ZFYVE9: variants seen among roughly 807,000 people sequenced by gnomAD.
ZFYVE9 encodes the protein zinc finger FYVE-type containing 9, also known as zinc finger FYVE domain-containing protein 9.
ZFYVE9 carries 43 observed loss-of-function variants against 126.7 expected under a neutral mutation model. The ratio of observed to expected loss-of-function variants is 0.34; its 90% CI spans 0.27 to 0.44. The LOEUF (loss-of-function observed/expected upper bound fraction) is 0.44, where lower values mean the gene tolerates loss of function less well. Among genes scored for constraint, ZFYVE9 ranks in the 20% least tolerant of loss-of-function variants. The pLI is 1.00. For synonymous variants in ZFYVE9, 521 were observed against 597.4 expected (o/e 0.87, Z 1.87); for missense variants, 1,476 against 1,697.0 (o/e 0.87, Z 2.29).
chr1:52,303,730 C>A, intron 12 of ZFYVE9, 91 bp from the exon 13 acceptor site: 1 of 730,494 alleles, frequency 1.4e-6, no homozygotes, highest in Non-Finnish European at 2.1e-6. Context: ...TCAATATTGA[C>A]ATTTTTTCCA....
chr1:52,293,376 C>CAA (rs376379860), intron 10 of ZFYVE9, 77 bp from the exon 11 acceptor site: 8,364 of 597,778 alleles, frequency 0.014, 18 homozygotes, highest in African/African-American at 0.036. Flanking sequence ...GACTCCGTCT[C>CAA]AAAAAAAAAA....
chr1:52,166,115 A>G (rs1644511723), intron 1 of ZFYVE9, among the ~76,000 whole-genome samples: 1 of 152,226 alleles, frequency 6.6e-6, no homozygotes, highest in Non-Finnish European at 1.5e-5. Flanking sequence ...GTTGAGATTT[A>G]ACAAAGTTAA....
intron 10 of ZFYVE9, among the ~76,000 whole-genome samples, chr1:52,283,852 A>G (rs1424077416): frequency 6.6e-6 from 1 of 152,210 alleles, no homozygotes; most frequent in East Asian, 1.9e-4. Context: ...TTTATAATAT[A>G]TAGATTATAC....
chr1:52,322,167 T>A (rs1167930761), intron 13 of ZFYVE9, among the ~76,000 whole-genome samples: 1 of 152,206 alleles, frequency 6.6e-6, no homozygotes, highest in Admixed American at 6.5e-5. Context: ...TAGAGTCATC[T>A]TTGAATCTTC....
At position 52,346,347 on chromosome 1, in the gene ZFYVE9, G is replaced by T. The variant is rs1430756843; in HGVS notation, c.*126G>T. 5 of 977,184 alleles carry T rather than the reference G, an allele frequency of 5.1e-6. No individual in the cohort carries two copies. Among genetic ancestry groups the T allele is most frequent in the East Asian group, 2.8e-5 (1 of 36,024 alleles). The allele number at this position is 977,184 out of a possible 1,614,324, so 60.5% of individuals were successfully genotyped here. A position where few individuals can be genotyped will look rare whatever the true frequency, so the allele number is the denominator to read the frequency against. On this transcript the variant is annotated 3_prime_UTR_variant, in exon 19 of 19. Transcript: ENST00000287727. ...CTATTAATGGGGTGGGGAATAGGGT[G>T]GGAGTGGGGGTTTGGGAGACGGGTG...
chr1:52,185,417 A>C (rs1211975352), intron 1 of ZFYVE9, among the ~76,000 whole-genome samples: 1 of 152,238 alleles, frequency 6.6e-6, no homozygotes, highest in Admixed American at 6.5e-5. Context: ...ATTTTTAATG[A>C]AATTAAAAAT....
At chr1:52,292,521 G>A (rs1645932338) in intron 10 of ZFYVE9, among the ~76,000 whole-genome samples, 1 of 144,730 alleles carries the variant, frequency 6.9e-6, no homozygotes. Context: ...GCCTAGGCTG[G>A]AGCGCAGTGG....
chr1:52,221,093 G>C (rs1241855301), intron 2 of ZFYVE9, among the ~76,000 whole-genome samples: 1 of 152,186 alleles, frequency 6.6e-6, no homozygotes, highest in African/African-American at 2.4e-5. Flanking sequence ...GGCATACTTG[G>C]AGTCAGTGTA....
intron 13 of ZFYVE9, among the ~76,000 whole-genome samples, chr1:52,319,231 T>C (rs1646215201): frequency 6.6e-6 from 1 of 152,204 alleles, no homozygotes; most frequent in Non-Finnish European, 1.5e-5. Context: ...TATATAATAT[T>C]TATGGATTGG....
chr1:52,202,237 TG>T (rs1411085556), intron 1 of ZFYVE9, among the ~76,000 whole-genome samples: 1 of 152,134 alleles, frequency 6.6e-6, no homozygotes, highest in Admixed American at 6.5e-5. Flanking sequence ...ATAAATTAGT[TG>T]TAATTCTTTT....
At chr1:52,162,390 T>C in intron 1 of ZFYVE9, 1 of 320,300 alleles carries the variant, frequency 3.1e-6, no homozygotes, top group Non-Finnish European at 6.3e-6. Context: ...CCACTATGAG[T>C]TCTGCCCATA....
At chr1:52,204,038 G>A (rs916167342) in intron 1 of ZFYVE9, among the ~76,000 whole-genome samples, 28 of 151,028 alleles carry the variant, frequency 1.9e-4, no homozygotes, top group African/African-American at 5.8e-4. Flanking sequence ...TAGCATCTCT[G>A]CTATATCTGA....
chr1:52,280,964 T>C (rs1645796819), intron 9 of ZFYVE9, among the ~76,000 whole-genome samples: 1 of 152,154 alleles, frequency 6.6e-6, no homozygotes, highest in Non-Finnish European at 1.5e-5. Flanking sequence ...TTTTAAAATA[T>C]AAAGGTGGAG....
intron 8 of ZFYVE9, among the ~76,000 whole-genome samples, chr1:52,275,201 T>A (rs1645733386): frequency 6.6e-6 from 1 of 152,176 alleles, no homozygotes; most frequent in Admixed American, 6.5e-5. Context: ...GTCACCCAGG[T>A]AGTGAGCATA....
At chr1:52,163,725 A>T (rs942891580) in intron 1 of ZFYVE9, among the ~76,000 whole-genome samples, 2 of 152,132 alleles carry the variant, frequency 1.3e-5, no homozygotes, top group African/African-American at 4.8e-5. Context: ...GGTGGCTCAC[A>T]TCTGTAATCC....
chr1:52,332,814 G>A lies in ZFYVE9; in HGVS notation c.3485G>A (p.Gly1162Asp). Residue 1162 changes from glycine to aspartate, a missense_variant, in exon 14 of 19, where the codon GGT becomes GAT. Coordinates refer to ENST00000287727, the MANE Select transcript of ZFYVE9 (RefSeq NM_004799.4). Reference sequence around the variant, plus strand: ...TCCAATGAGCATGTCCTGGCAGGAGGTGCCTGCTTCAATGAAAAGGCAGAC... The same window carrying A: ...TCCAATGAGCATGTCCTGGCAGGAGATGCCTGCTTCAATGAAAAGGCAGAC... ...NKSNEHVLAG[G>D]ACFNEKADSH... is the part of the protein sequence containing the mutation. 3 of 1,614,134 alleles carry A rather than the reference G, an allele frequency of 1.9e-6. No homozygotes were observed. Among genetic ancestry groups the A allele is most frequent in the Non-Finnish European group, 2.5e-6 (3 of 1,180,026 alleles).
At chr1:52,221,451 C>G (rs1645123886) in intron 2 of ZFYVE9, among the ~76,000 whole-genome samples, 1 of 152,148 alleles carries the variant, frequency 6.6e-6, no homozygotes, top group South Asian at 2.1e-4. Context: ...TTAGGTCATC[C>G]CTCTCTAATA....
chr1:52,303,967 A>G (rs774287028), intron 13 of ZFYVE9, 42 bp downstream of exon 13: 2 of 1,405,720 alleles, frequency 1.4e-6, no homozygotes, highest in South Asian at 1.4e-5. Context: ...AGTTGAAAAC[A>G]TGAGTGAAGG....
At position 52,330,871 on chromosome 1, in the gene ZFYVE9, T is replaced by C. The variant is rs189960047; in HGVS notation, c.3439-1897T>C. Among the ~76,000 whole-genome samples, 377 of 152,152 alleles carry C rather than the reference T, an allele frequency of 2.5e-3. 2 individuals carry two copies. Among genetic ancestry groups the C allele is most frequent in the African/African-American group, 8.9e-3 (371 of 41,536 alleles). On this transcript the variant is annotated intron_variant, in intron 13 of 18. Transcript: ENST00000287727. Reference sequence around the variant, plus strand: ...TCTGACAGCACTACAACTTTTTTATTTTATTTTTATTTTTTGAGATAGTCT... The same window carrying C: ...TCTGACAGCACTACAACTTTTTTATCTTATTTTTATTTTTTGAGATAGTCT...
Sources: gnomAD v4.1 joint callset for allele counts (sites outside exome capture counted in the v4.1 genomes callset) on GRCh38, gnomAD v4.1.1 for gene constraint, MANE v1.5 for transcripts, NCBI Gene and HGNC (gene_info 2026-07-23, HGNC 2026-07-21) for gene names.